MYOT: variants seen among roughly 807,000 people sequenced by gnomAD.
MYOT encodes the protein myotilin, also known as 57 kDa cytoskeletal protein.
A neutral mutation model predicts 58.0 loss-of-function variants in MYOT; 36 were observed. The observed-to-expected ratio is 0.62, with a 90% confidence interval of 0.48 to 0.82. MYOT has a LOEUF of 0.82. MYOT is among the 40% of genes least tolerant of loss of function. The pLI, the probability that MYOT is intolerant of heterozygous loss-of-function variation, is 0.00. For missense variants in MYOT, 505 were observed against 592.1 expected, an observed-to-expected ratio of 0.85 and a Z score of 1.53; for synonymous variants, 218 against 204.6, an observed-to-expected ratio of 1.07 and a Z score of -0.56.
intron 2 of MYOT, 126 bp downstream of exon 2, chr5:137,871,133 A>G: frequency 1.2e-6 from 1 of 812,622 alleles, no homozygotes; most frequent in Non-Finnish European, 2.0e-6. Context: ...GTGACCTTAC[A>G]GTCTCATTCC....
At position 137,880,832 on chromosome 5, in the gene MYOT, A is replaced by G. The variant is rs758565747; in HGVS notation, c.650A>G (p.His217Arg). 8 of 1,612,838 alleles carry G rather than the reference A, an allele frequency of 5.0e-6. No individual in the cohort carries two copies. The highest frequency in any genetic ancestry group is 2.7e-5 in the African/African-American group (2 of 74,932). ...AQDSQQHNSE[H>R]ARLQVPTSQV... ...AATTTCAAGCAACACAACTCAGAACATGCGCGACTGCAAGTTCCTACATCA... is the reference window on the plus strand; with the variant it reads ...AATTTCAAGCAACACAACTCAGAACGTGCGCGACTGCAAGTTCCTACATCA... Residue 217 changes from histidine (H) to arginine (R), a missense_variant, in exon 5 of 10, where the codon CAT becomes CGT. His to Arg is a conservative substitution (Grantham distance 29, BLOSUM62 0). Coordinates refer to ENST00000239926, the MANE Select transcript of MYOT (RefSeq NM_006790.3).
intron 2 of MYOT, among the ~76,000 whole-genome samples, chr5:137,872,879 G>A (rs1755094251): frequency 6.6e-6 from 1 of 152,150 alleles, no homozygotes; most frequent in South Asian, 2.1e-4. Flanking sequence ...TACCTACCCA[G>A]TGCTTCAATT....
chr5:137,887,538 C>T lies in MYOT; in HGVS notation c.*153C>T. ...ATTTATAATATTATTTATCCTTTGA[C>T]TCTTGCACATTCTATGTACCCCTCC... On this transcript the variant is annotated 3_prime_UTR_variant, in exon 10 of 10. Transcript: ENST00000239926. The T allele has an allele frequency of 2.0e-6, 1 of 505,374 alleles. No individual in the cohort carries two copies. The highest frequency in any genetic ancestry group is 3.0e-6 in the Non-Finnish European group (1 of 338,316). 31.3% of individuals were successfully genotyped at this position (505,374 alleles called of 1,614,324 possible). A position where few individuals can be genotyped will look rare whatever the true frequency, so the allele number is the denominator to read the frequency against.
intron 2 of MYOT, among the ~76,000 whole-genome samples, chr5:137,874,335 C>T (rs1157244096): frequency 2.0e-5 from 3 of 152,036 alleles, no homozygotes; most frequent in African/African-American, 4.8e-5. Context: ...AGCATGGTGG[C>T]GGGTGCCTGT....
chr5:137,882,591 C>T (rs553997486), intron 6 of MYOT, among the ~76,000 whole-genome samples: 3 of 152,176 alleles, frequency 2.0e-5, no homozygotes, highest in South Asian at 2.1e-4. Flanking sequence ...AAACTACAGA[C>T]GCGTGCCACC....
intron 4 of MYOT, among the ~76,000 whole-genome samples, chr5:137,878,986 A>G (rs1755323421): frequency 6.6e-6 from 1 of 152,222 alleles, no homozygotes; most frequent in Non-Finnish European, 1.5e-5. Flanking sequence ...TTCCAAATGT[A>G]GAAAACTGAA....
chr5:137,883,323 A>G, intron 6 of MYOT, 61 bp from the exon 7 acceptor site: 2 of 1,393,720 alleles, frequency 1.4e-6, no homozygotes, highest in Non-Finnish European at 2.0e-6. Flanking sequence ...TATATGGACA[A>G]ATAGGTTTCA....
chr5:137,871,833 C>T (rs918467002), intron 2 of MYOT, among the ~76,000 whole-genome samples: 1 of 152,152 alleles, frequency 6.6e-6, no homozygotes, highest in African/African-American at 2.4e-5. Context: ...AAACTATTGG[C>T]TATCAGCTTT....
Position 137,870,712 on chromosome 5 carries a change from T to C in MYOT, c.61T>C (p.Leu21=), listed in dbSNP as rs150786535. ...GTCCCAAAACCCATGTGGCTCCAGATTGCAGCCTCCTGGACCAGAAACCTC... is the reference window on the plus strand; with the variant it reads ...GTCCCAAAACCCATGTGGCTCCAGACTGCAGCCTCCTGGACCAGAAACCTC... The part of the protein sequence containing the change: ...IQSQNPCGSR[L]QPPGPETSSF... The change falls in exon 2 of 10, where the codon TTG becomes CTG. Residue 21 remains leucine (L), a synonymous_variant. Transcript: ENST00000239926. The C allele has an allele frequency of 3.7e-5, 60 of 1,614,110 alleles. No homozygotes were observed. Among genetic ancestry groups the C allele is most frequent in the East Asian group, 1.8e-4 (8 of 44,900 alleles).
intron 3 of MYOT, 89 bp from the exon 4 acceptor site, chr5:137,877,431 A>C: frequency 1.3e-6 from 1 of 778,218 alleles, no homozygotes; most frequent in Non-Finnish European, 2.3e-6. Context: ...TGCTTCTTTG[A>C]AGTTCTGACC....
At chr5:137,876,216 T>A in intron 3 of MYOT, 1 of 560,480 alleles carries the variant, frequency 1.8e-6, no homozygotes, top group African/African-American at 1.9e-5. Flanking sequence ...GAAAAATGTA[T>A]CTGAATGGTT....
intron 1 of MYOT, among the ~76,000 whole-genome samples, chr5:137,870,176 C>T (rs1754997516): frequency 1.3e-5 from 2 of 150,396 alleles, no homozygotes; most frequent in African/African-American, 2.4e-5. Flanking sequence ...ATTAGCCAGG[C>T]GTGGTGGCTT....
intron 2 of MYOT, among the ~76,000 whole-genome samples, chr5:137,873,631 TC>T (rs767785892): frequency 5.3e-5 from 8 of 152,090 alleles, no homozygotes; most frequent in Non-Finnish European, 1.2e-4. Flanking sequence ...GACACTTTGA[TC>T]TAGGAATTCA....
rs1423903002 is a variant in MYOT at position 137,870,765 on chromosome 5, T to G, written c.114T>G (p.Ser38=). 1 of 1,614,192 alleles carries G rather than the reference T, an allele frequency of 6.2e-7. No homozygotes were observed. The highest frequency in any genetic ancestry group is 8.5e-7 in the Non-Finnish European group (1 of 1,180,038). ...TSSFSSQTKQ[S]SIIIQPRQCT... Reference sequence around the variant, plus strand: ...GCTTCTCTAGCCAGACCAAACAGTCTTCCATTATCATCCAGCCCCGCCAGT... The same window carrying G: ...GCTTCTCTAGCCAGACCAAACAGTCGTCCATTATCATCCAGCCCCGCCAGT... The change falls in exon 2 of 10, where the codon TCT becomes TCG. Residue 38 remains serine (S), a synonymous_variant. Transcript: ENST00000239926.
intron 1 of MYOT, among the ~76,000 whole-genome samples, chr5:137,870,052 G>T (rs1754990278): frequency 6.6e-6 from 1 of 151,432 alleles, no homozygotes. Flanking sequence ...ACCAAGGGGG[G>T]CTGAGGCGGG....
rs548187688 is a variant in MYOT, at chr5:137,867,950, A to G, written c.-215A>G. 1 of 152,322 alleles carries G rather than the reference A, an allele frequency of 6.6e-6. No homozygotes were observed. Among genetic ancestry groups the G allele is most frequent in the Non-Finnish European group, 1.5e-5 (1 of 68,036 alleles). 9.4% of individuals were successfully genotyped at this position (152,322 alleles called of 1,614,324 possible). Reference sequence around the variant, plus strand: ...AACCCAGCTGGCACCCTCTGGAACTACGGGTAAGTCCCTTCTTTATTCCTA... The same window carrying G: ...AACCCAGCTGGCACCCTCTGGAACTGCGGGTAAGTCCCTTCTTTATTCCTA... On this transcript the variant is annotated 5_prime_UTR_variant, in exon 1 of 10. Coordinates refer to ENST00000239926, the MANE Select transcript of MYOT (RefSeq NM_006790.3).
intron 3 of MYOT, 89 bp downstream of exon 3, chr5:137,876,092 C>T (rs1755204586): frequency 2.3e-6 from 3 of 1,284,794 alleles, no homozygotes; most frequent in South Asian, 2.5e-5. Context: ...GATCTAGGTC[C>T]ATATATCAAC....
At chr5:137,884,948 T>C (rs1016212816) in intron 7 of MYOT, among the ~76,000 whole-genome samples, 1 of 152,226 alleles carries the variant, frequency 6.6e-6, no homozygotes, top group African/African-American at 2.4e-5. Flanking sequence ...TTCAATAATA[T>C]ACCAAAGGGC....
chr5:137,877,091 G>A (rs1372875603), intron 3 of MYOT, among the ~76,000 whole-genome samples: 3 of 151,292 alleles, frequency 2.0e-5, no homozygotes, highest in African/African-American at 7.3e-5. Flanking sequence ...AGAATCAGCC[G>A]AGCGCAGTGG....
Sources: gnomAD v4.1 joint callset for allele counts (sites outside exome capture counted in the v4.1 genomes callset) on GRCh38, gnomAD v4.1.1 for gene constraint, MANE v1.5 for transcripts, NCBI Gene and HGNC (gene_info 2026-07-23, HGNC 2026-07-21) for gene names.